PCDHAC1: variants seen among roughly 807,000 people sequenced by gnomAD.
The protein encoded by PCDHAC1 is protocadherin alpha-C1.
Under a neutral mutation model 60.0 loss-of-function variants are expected in PCDHAC1, and 42 were observed. The ratio of observed to expected loss-of-function variants is 0.70; its 90% confidence interval spans 0.55 to 0.90. PCDHAC1 has a LOEUF of 0.90. Among genes scored for constraint, PCDHAC1 ranks in the 40% least tolerant of loss-of-function variants. The pLI is 0.00. For synonymous variants in PCDHAC1, 468 were observed against 499.3 expected, an observed-to-expected ratio of 0.94 and a Z score of 0.84; for missense variants, 1,160 against 1,222.3, an observed-to-expected ratio of 0.95 and a Z score of 0.76.
At chr5:140,960,763 C>A (rs1424215578) in intron 1 of PCDHAC1, among the ~76,000 whole-genome samples, 1 of 151,896 alleles carries the variant, frequency 6.6e-6, no homozygotes, top group Non-Finnish European at 1.5e-5. Flanking sequence ...CCAAGAGTTA[C>A]AGAGGAGAAA....
At chr5:140,944,655 C>A (rs1045047658) in intron 1 of PCDHAC1, among the ~76,000 whole-genome samples, 3 of 152,128 alleles carry the variant, frequency 2.0e-5, no homozygotes, top group Admixed American at 2.0e-4. Flanking sequence ...GGAGTCCATA[C>A]CCCTTATTTA....
At chr5:140,995,653 G>A (rs964259982) in intron 3 of PCDHAC1, among the ~76,000 whole-genome samples, 1 of 152,100 alleles carries the variant, frequency 6.6e-6, no homozygotes, top group Non-Finnish European at 1.5e-5. Context: ...AAGGAGAATC[G>A]AAAAGGGAAG....
At chr5:140,976,060 T>G (rs1554237234) in intron 1 of PCDHAC1, among the ~76,000 whole-genome samples, 3 of 152,228 alleles carry the variant, frequency 2.0e-5, no homozygotes. Flanking sequence ...GATAGTAATA[T>G]ATGTCTTACT....
At chr5:140,929,590 G>T in intron 1 of PCDHAC1, 1 of 426,240 alleles carries the variant, frequency 2.3e-6, no homozygotes, top group Non-Finnish European at 4.2e-6. Context: ...TGACATAAAG[G>T]TCTAAAATTA....
chr5:140,971,843 G>T (rs1250084892), intron 1 of PCDHAC1, among the ~76,000 whole-genome samples: 2 of 151,906 alleles, frequency 1.3e-5, no homozygotes, highest in Non-Finnish European at 2.9e-5. Flanking sequence ...TGCAAGTCAT[G>T]CGTTAAATAT....
intron 1 of PCDHAC1, chr5:140,929,773 G>A (rs554286771): frequency 5.8e-6 from 1 of 173,032 alleles, no homozygotes; most frequent in East Asian, 1.8e-4. Context: ...AACCACAAAA[G>A]ATGTAAAAAT....
At chr5:140,981,766 T>C (rs1321747581) in intron 2 of PCDHAC1, among the ~76,000 whole-genome samples, 7 of 152,144 alleles carry the variant, frequency 4.6e-5, no homozygotes, top group Non-Finnish European at 1.0e-4. Flanking sequence ...CATACATAAA[T>C]GAATACTGCA....
intron 3 of PCDHAC1, among the ~76,000 whole-genome samples, chr5:141,005,360 A>G (rs1215157808): frequency 6.6e-6 from 1 of 152,184 alleles, no homozygotes; most frequent in Non-Finnish European, 1.5e-5. Flanking sequence ...TAGGAATGTC[A>G]TAGAATGCCT....
At chr5:140,941,215 C>CTTTCTTTCTTTCTT (rs2092887387) in intron 1 of PCDHAC1, among the ~76,000 whole-genome samples, 1 of 104,510 alleles carries the variant, frequency 9.6e-6, no homozygotes, top group African/African-American at 3.7e-5. Context: ...TTCTTTCTTC[C>CTTTCTTTCTTTCTT]TTTCTTTCTT....
At chr5:140,978,800 TATC>T (rs1193658453) in intron 1 of PCDHAC1, 146 bp from the exon 2 acceptor site, 56 of 1,480,550 alleles carry the variant, frequency 3.8e-5, no homozygotes, top group Admixed American at 1.1e-4. Context: ...TATATGTAGA[TATC>T]ATCATAGAGT....
chr5:141,000,421 A>ATTTTTTTT (rs34755515), intron 3 of PCDHAC1, among the ~76,000 whole-genome samples: 2 of 27,968 alleles, frequency 7.2e-5, no homozygotes, highest in Admixed American at 6.5e-4. Context: ...ATATATATAT[A>ATTTTTTTT]TTTTTTTTTT....
intron 1 of PCDHAC1, chr5:140,966,362 A>C: frequency 2.5e-6 from 1 of 400,494 alleles, no homozygotes; most frequent in Non-Finnish European, 4.4e-6. Flanking sequence ...GGGGCTGGAG[A>C]GGCTGAGCAG....
chr5:140,949,978 C>T (rs557456282), intron 1 of PCDHAC1, among the ~76,000 whole-genome samples: 1 of 151,916 alleles, frequency 6.6e-6, no homozygotes, highest in East Asian at 1.9e-4. Context: ...AGCATACATA[C>T]TTAACTTTTC....
chr5:140,967,670 G>A (rs1554229754), intron 1 of PCDHAC1: 1 of 1,614,092 alleles, frequency 6.2e-7, no homozygotes, highest in Non-Finnish European at 8.5e-7. Flanking sequence ...CTACACGTCG[G>A]ACCGGGAGAG....
Position 140,928,772 on chromosome 5 carries a change from C to T in PCDHAC1, c.1880C>T (p.Thr627Ile), listed in dbSNP as rs1554206297. ...ELRTARLVLP[T>I]DAVKQRVVVV... The stretch of plus-strand genomic sequence containing the variant: ...CGTACTGCTCGCTTAGTTCTTCCCA[C>T]TGATGCAGTTAAGCAGAGGGTGGTG... The change falls in exon 1 of 4, where the codon ACT (threonine) becomes ATT (isoleucine). Residue 627 changes from threonine (T) to isoleucine (I), a missense_variant. This residue lies in a region of PCDHAC1 where 1,113 missense variants were observed against 1,163.7 expected (regional missense o/e 0.96). Coordinates refer to ENST00000253807, the MANE Select transcript of PCDHAC1 (RefSeq NM_018898.5). The T allele has an allele frequency of 2.5e-6, 4 of 1,614,054 alleles. No individual in the cohort carries two copies. The East Asian group carries it at 6.7e-5, about 27-fold the overall frequency.
chr5:140,977,484 G>A (rs2096763384), intron 1 of PCDHAC1, among the ~76,000 whole-genome samples: 1 of 152,220 alleles, frequency 6.6e-6, no homozygotes. Flanking sequence ...TTTATGCTAT[G>A]TTATATGGAA....
intron 3 of PCDHAC1, among the ~76,000 whole-genome samples, chr5:141,008,000 TA>T (rs2098355741): frequency 6.6e-6 from 1 of 152,264 alleles, no homozygotes; most frequent in Non-Finnish European, 1.5e-5. Context: ...TACATGTTAA[TA>T]AACTTCTGTT....
chr5:140,987,293 T>C (rs2097246211), intron 3 of PCDHAC1, among the ~76,000 whole-genome samples: 1 of 152,134 alleles, frequency 6.6e-6, no homozygotes, highest in African/African-American at 2.4e-5. Context: ...TAACAAGCCT[T>C]CTATGTGATA....
chr5:140,929,120 A>G lies in PCDHAC1; in HGVS notation c.2228A>G (p.Asp743Gly), dbSNP rs781922658. Residue 743 changes from aspartate (D) to glycine (G), a missense_variant, in exon 1 of 4, where the codon GAT (aspartate) becomes GGT (glycine). Physicochemically the swap from Asp to Gly is moderately conservative, Grantham distance 94. This residue lies in a region of PCDHAC1 where 1,113 missense variants were observed against 1,163.7 expected (regional missense o/e 0.96). Coordinates refer to ENST00000253807, the MANE Select transcript of PCDHAC1 (RefSeq NM_018898.5). ...SNPCMTSATI[D>G]VTTVERLSQT... ...CCTTGCATGACATCAGCCACCATAG[A>G]TGTCACTACAGTTGAGAGACTTTCT... 1 of 1,614,062 alleles carries G rather than the reference A, an allele frequency of 6.2e-7. No individual in the cohort carries two copies. Among genetic ancestry groups the G allele is most frequent in the East Asian group, 2.2e-5 (1 of 44,894 alleles).
Sources: allele counts gnomAD v4.1 joint callset (sites outside exome capture counted in the v4.1 genomes callset), GRCh38; gene constraint gnomAD v4.1.1; regional missense constraint gnomAD v4.1.1; transcripts MANE v1.5; gene names NCBI Gene and HGNC (gene_info 2026-07-23, HGNC 2026-07-21).